The following BCL2 variants were observed in gnomAD, a reference collection of about 807,000 sequenced individuals.
BCL2 encodes BCL2 apoptosis regulator, also known as apoptosis regulator Bcl-2.
In BCL2, 1 loss-of-function variant was observed where a neutral mutation model predicts 14.2. That is an observed-to-expected ratio of 0.07 (90% CI 0.02 to 0.33). BCL2 has a LOEUF of 0.33. Ranked by LOEUF, BCL2 falls within the 10% of genes least tolerant of loss-of-function variation. The pLI is 0.99. For missense variants in BCL2, 247 were observed against 305.9 expected (o/e 0.81, Z 1.44); for synonymous variants, 151 against 137.2 (o/e 1.10, Z -0.70).
At chr18:63,280,711 G>A (rs1003657298) in intron 2 of BCL2, among the ~76,000 whole-genome samples, 1 of 152,124 alleles carries the variant, frequency 6.6e-6, no homozygotes, top group Non-Finnish European at 1.5e-5. Flanking sequence ...TAGAGCAGCT[G>A]GAACCCTTGT....
Position 63,126,957 on chromosome 18 carries a change from G to C in BCL2, c.*1668C>G, listed in dbSNP as rs1913925585. 1.3e-5 allele frequency: 3 copies of C among 224,344 alleles called. No individual in the cohort carries two copies. Among genetic ancestry groups the C allele is most frequent in the African/African-American group, 2.2e-5 (1 of 44,552 alleles). The allele number at this position is 224,344 out of a possible 1,614,324, so 13.9% of individuals were successfully genotyped here. On this transcript the variant is annotated 3_prime_UTR_variant, in exon 3 of 3. Transcript: ENST00000333681. The stretch of plus-strand genomic sequence containing the variant: ...ATGTTTCAAGGCTGATTCTAAACTG[G>C]AAGAAAAAAAAATTTCCTAGTTTAT...
At chr18:63,199,529 A>G (rs1909626203) in intron 2 of BCL2, among the ~76,000 whole-genome samples, 1 of 150,928 alleles carries the variant, frequency 6.6e-6, no homozygotes, top group Admixed American at 6.6e-5. Flanking sequence ...CACACAACAC[A>G]CAGACACATG....
intron 2 of BCL2, among the ~76,000 whole-genome samples, chr18:63,241,948 C>A (rs1483965995): frequency 6.6e-6 from 1 of 152,192 alleles, no homozygotes; most frequent in Non-Finnish European, 1.5e-5. Context: ...TGGTTTGGAA[C>A]AAATTCAACT....
Position 63,183,877 on chromosome 18 carries a change from C to T in BCL2, c.586-55118G>A, listed in dbSNP as rs1036525475. On this transcript the variant is annotated intron_variant, in intron 2 of 2. Coordinates refer to ENST00000333681, the MANE Select transcript of BCL2 (RefSeq NM_000633.3). ...TGCAATTTATGTTAGCAAGAATAAC[C>T]ACACACCTCTCTCACCACCCTTCTT... 2.0e-5 allele frequency among the ~76,000 whole-genome samples: 3 copies of T among 152,124 alleles called. No homozygotes were observed. The East Asian group carries it at 5.8e-4, about 29-fold the overall frequency.
chr18:63,235,778 C>A lies in BCL2; in HGVS notation c.585+82304G>T, dbSNP rs551595809. Among the ~76,000 whole-genome samples, 37 of 151,490 alleles carry A rather than the reference C, an allele frequency of 2.4e-4. No homozygotes were observed. The South Asian group carries it at 7.7e-3, about 31-fold the overall frequency. On this transcript the variant is annotated intron_variant, in intron 2 of 2. Transcript: ENST00000333681. Reference sequence around the variant, plus strand: ...TTATTCTCTGCATTTTCTGTTTGCTCGAGATCTTTCACAATAAAAAAATAC... The same window carrying A: ...TTATTCTCTGCATTTTCTGTTTGCTAGAGATCTTTCACAATAAAAAAATAC...
At chr18:63,173,352 C>T (rs747183048) in intron 2 of BCL2, among the ~76,000 whole-genome samples, 2 of 152,162 alleles carry the variant, frequency 1.3e-5, no homozygotes, top group East Asian at 1.9e-4. Flanking sequence ...CCAAAAACAC[C>T]GACTCTACCT....
intron 2 of BCL2, chr18:63,302,837 A>G: frequency 1.0e-6 from 1 of 985,358 alleles, no homozygotes; most frequent in Non-Finnish European, 1.2e-6. Flanking sequence ...TGCAAATAAC[A>G]CAAGGGCATC....
chr18:63,180,341 G>C (rs1003161669), intron 2 of BCL2, among the ~76,000 whole-genome samples: 3 of 152,212 alleles, frequency 2.0e-5, no homozygotes, highest in Non-Finnish European at 4.4e-5. Flanking sequence ...AGAAGCTCTG[G>C]GTGTTGCTAG....
At chr18:63,153,988 C>T (rs1914714315) in intron 2 of BCL2, among the ~76,000 whole-genome samples, 1 of 152,190 alleles carries the variant, frequency 6.6e-6, no homozygotes. Context: ...AGGCTCATGA[C>T]TCTTGAATCT....
At chr18:63,242,691 C>G (rs1161715031) in intron 2 of BCL2, among the ~76,000 whole-genome samples, 1 of 152,194 alleles carries the variant, frequency 6.6e-6, no homozygotes, top group Non-Finnish European at 1.5e-5. Context: ...TCACCGTTCT[C>G]CAGAACAGGG....
chr18:63,280,170 T>C (rs562994391), intron 2 of BCL2, among the ~76,000 whole-genome samples: 1 of 152,332 alleles, frequency 6.6e-6, no homozygotes, highest in Admixed American at 6.5e-5. Flanking sequence ...TAGAAGAGTA[T>C]CCATGCCAAA....
chr18:63,212,172 A>G (rs1910032730), intron 2 of BCL2, among the ~76,000 whole-genome samples: 2 of 151,206 alleles, frequency 1.3e-5, no homozygotes, highest in South Asian at 4.2e-4. Flanking sequence ...CTAAAAATAC[A>G]AAAATTAGCT....
At chr18:63,153,875 A>G (rs573390700) in intron 2 of BCL2, among the ~76,000 whole-genome samples, 1 of 152,362 alleles carries the variant, frequency 6.6e-6, no homozygotes, top group South Asian at 2.1e-4. Flanking sequence ...CTAGAAGACA[A>G]TGATGACTCT....
At chr18:63,281,538 G>C (rs372525976) in intron 2 of BCL2, among the ~76,000 whole-genome samples, 3 of 151,788 alleles carry the variant, frequency 2.0e-5, no homozygotes, top group Admixed American at 6.6e-5. Context: ...ATGGTGGCAC[G>C]TGCCTGTAGT....
At chr18:63,307,791 A>G (rs1317575687) in intron 2 of BCL2, among the ~76,000 whole-genome samples, 7 of 152,234 alleles carry the variant, frequency 4.6e-5, no homozygotes, top group Admixed American at 4.6e-4. Flanking sequence ...CAATGGGAAC[A>G]TAATGCACAG....
chr18:63,201,330 C>T (rs73471336), intron 2 of BCL2, among the ~76,000 whole-genome samples: 3,054 of 152,274 alleles, frequency 0.02, 36 homozygotes, highest in South Asian at 0.054. Context: ...TTTCAAAAGA[C>T]GCTAGTCAAT....
intron 2 of BCL2, among the ~76,000 whole-genome samples, chr18:63,153,992 T>G (rs920606232): frequency 2.6e-5 from 4 of 152,220 alleles, no homozygotes; most frequent in Non-Finnish European, 5.9e-5. Flanking sequence ...TCATGACTCT[T>G]GAATCTCTTT....
chr18:63,225,351 A>G (rs1375694277), intron 2 of BCL2, among the ~76,000 whole-genome samples: 1 of 152,180 alleles, frequency 6.6e-6, no homozygotes, highest in Non-Finnish European at 1.5e-5. Context: ...CTACTATAAT[A>G]TAAGGTTAAG....
At chr18:63,252,631 A>T (rs1483583003) in intron 2 of BCL2, among the ~76,000 whole-genome samples, 1 of 152,190 alleles carries the variant, frequency 6.6e-6, no homozygotes, top group Admixed American at 6.5e-5. Flanking sequence ...GCCACCATCC[A>T]TGTAAGATGT....
Sources: allele counts gnomAD v4.1 joint callset (sites outside exome capture counted in the v4.1 genomes callset), GRCh38; gene constraint gnomAD v4.1.1; transcripts MANE v1.5; gene names NCBI Gene and HGNC (gene_info 2026-07-23, HGNC 2026-07-21).